The following RHBG variants were observed in gnomAD, a reference collection of about 807,000 sequenced individuals.
RHBG encodes the protein ammonium transporter Rh type B.
Under a neutral mutation model 40.1 loss-of-function variants are expected in RHBG, and 39 were observed. The ratio of observed to expected loss-of-function variants is 0.97; its 90% CI spans 0.75 to 1.27. The LOEUF is 1.27. Ranked by LOEUF, RHBG falls within the 50% of genes most tolerant of loss-of-function variation. RHBG has a pLI of 0.00. For missense variants in RHBG, 549 were observed against 588.1 expected, an observed-to-expected ratio of 0.93 and a Z score of 0.69; for synonymous variants, 237 against 252.5, an observed-to-expected ratio of 0.94 and a Z score of 0.58.
chr1:156,376,406 CAGGCTGG>C (rs1013046889), intron 1 of RHBG, among the ~76,000 whole-genome samples: 5 of 151,780 alleles, frequency 3.3e-5, no homozygotes, highest in African/African-American at 1.2e-4. Flanking sequence ...CTCTGTCACC[CAGGCTGG>C]AGTGCAGAGG....
At chr1:156,372,672 C>T (rs995050217) in intron 1 of RHBG, among the ~76,000 whole-genome samples, 3 of 152,104 alleles carry the variant, frequency 2.0e-5, no homozygotes, top group African/African-American at 4.8e-5. Flanking sequence ...GGGGAGATGG[C>T]CCCCTCAGCT....
At chr1:156,371,766 C>T (rs1426343490) in intron 1 of RHBG, 1 of 152,372 alleles carries the variant, frequency 6.6e-6, no homozygotes, top group Non-Finnish European at 1.5e-5. Context: ...GCCATGAACC[C>T]CTGACTTGCT....
Position 156,384,505 on chromosome 1 carries a change from G to T in RHBG, c.1235-22G>T, listed in dbSNP as rs370666874. On this transcript the variant is annotated intron_variant, in intron 8 of 9. Transcript: ENST00000537040. ...TGGTGGGGGGCAGAGAAGCCTCACA[G>T]ATCCTCCCCTACCACCACCAGGGCT... 4 of 1,611,630 alleles carry T rather than the reference G, an allele frequency of 2.5e-6. No homozygotes were observed. The African/African-American group carries it at 5.3e-5, about 22-fold the overall frequency.
chr1:156,383,684 CTTA>C (rs1397107614), intron 8 of RHBG, among the ~76,000 whole-genome samples: 4 of 150,384 alleles, frequency 2.7e-5, no homozygotes, highest in African/African-American at 4.9e-5. Context: ...CCATGCTGGG[CTTA>C]TTATTATTAT....
rs184521323 is a variant in RHBG at position 156,382,025 on chromosome 1, G to A, written c.979-43G>A. On this transcript the variant is annotated intron_variant, in intron 6 of 9. Transcript: ENST00000537040. ...CGCCTCTCCAACAGGATGAGGTGGTGGGGAGTGGGCACAGGAGACTCATGA... is the reference window on the plus strand; with the variant it reads ...CGCCTCTCCAACAGGATGAGGTGGTAGGGAGTGGGCACAGGAGACTCATGA... 53 of 1,609,870 alleles carry A rather than the reference G, an allele frequency of 3.3e-5. No individual in the cohort carries two copies. The East Asian group carries it at 1.2e-3, about 35-fold the overall frequency.
intron 7 of RHBG, 166 bp from the exon 8 acceptor site, chr1:156,382,582 T>C (rs936164656): frequency 3.0e-5 from 25 of 836,254 alleles, no homozygotes; most frequent in African/African-American, 5.1e-5. Flanking sequence ...GGGCCTGGCT[T>C]GAGCAGTGGC....
In RHBG at chr1:156,377,953, G is replaced by A; in HGVS notation, c.375-37G>A. 2.6e-6 allele frequency: 4 copies of A among 1,513,094 alleles called. No homozygotes were observed. Among genetic ancestry groups the A allele is most frequent in the Non-Finnish European group, 3.5e-6 (4 of 1,129,058 alleles). 93.7% of individuals were successfully genotyped at this position (1,513,094 alleles called of 1,614,324 possible). A position where few individuals can be genotyped will look rare whatever the true frequency, so the allele number is the denominator to read the frequency against. On this transcript the variant is annotated intron_variant, in intron 2 of 9. Transcript: ENST00000537040. The surrounding 1 kb of genome is among the most constrained non-coding windows in gnomAD (Gnocchi z 4.6). Reference sequence around the variant, plus strand: ...CAGGAACCCCGAGGCCAGCCTCTCTGACCCCTCTTGTGCTCCCACTTCTGC... The same window carrying A: ...CAGGAACCCCGAGGCCAGCCTCTCTAACCCCTCTTGTGCTCCCACTTCTGC...
chr1:156,384,334 G>A, intron 8 of RHBG, 193 bp from the exon 9 acceptor site: 1 of 666,176 alleles, frequency 1.5e-6, no homozygotes, highest in Admixed American at 2.3e-5. Context: ...ACTCAGGAAA[G>A]CAAGACTAGT....
In RHBG at chr1:156,384,561, C is replaced by A. The variant is rs764624835; in HGVS notation, c.1269C>A (p.Pro423=). 6.2e-7 allele frequency: 1 copy of A among 1,600,296 alleles called. No homozygotes were observed. Among genetic ancestry groups the A allele is most frequent in the African/African-American group, 1.3e-5 (1 of 74,638 alleles). ...TGAAGCTACCCTTTCTGGACTCCCC[C>A]CCAGACTCCCAGCACTACGAGGACC... The part of the protein sequence containing the change: ...LLLKLPFLDS[P]PDSQHYEDQV... The change falls in exon 9 of 10, where the codon CCC becomes CCA. Residue 423 remains proline (P), a synonymous_variant. Transcript: ENST00000537040.
chr1:156,377,301 G>C lies in RHBG; in HGVS notation c.188G>C (p.Ser63Thr), dbSNP rs766637987. The part of the protein sequence containing the change: ...ADNEFYFRYP[S>T]FQDVHAMVFV... ...CCCCGCCTGTCCCTGCCCGCTGCAG[G>C]CTTCCAGGACGTGCATGCCATGGTC... Residue 63 changes from serine (S) to threonine (T), a missense_variant and splice_region_variant, in exon 2 of 10, where the codon AGC (serine) becomes ACC (threonine). Ser to Thr is a moderately conservative substitution (Grantham distance 58). Coordinates refer to ENST00000537040, the MANE Select transcript of RHBG (RefSeq NM_020407.5). The surrounding 1 kb of genome is among the most constrained non-coding windows in gnomAD (Gnocchi z 4.6). The C allele has an allele frequency of 6.2e-7, 1 of 1,613,048 alleles. No homozygotes were observed. Among genetic ancestry groups the C allele is most frequent in the Non-Finnish European group, 8.5e-7 (1 of 1,179,082 alleles).
Position 156,384,820 on chromosome 1 carries a change from TGGA to T in RHBG, c.1358_1360del (p.Glu453del), listed in dbSNP as rs1285619700. 2 of 1,613,322 alleles carry T rather than the reference TGGA, an allele frequency of 1.2e-6. No homozygotes were observed. Among genetic ancestry groups the T allele is most frequent in the Admixed American group, 1.7e-5 (1 of 59,936 alleles). On this transcript the variant is annotated inframe_deletion, in exon 10 of 10. Transcript: ENST00000537040. Reference sequence around the variant, plus strand: ...GATAAAGCCCAGAGACCTCTGAGGGTGGAGGAGGCAGACACTCAGGCCTAACCC... The same window carrying T: ...GATAAAGCCCAGAGACCTCTGAGGGTGGAGGCAGACACTCAGGCCTAACCC...
chr1:156,375,365 G>A (rs934632170), intron 1 of RHBG, among the ~76,000 whole-genome samples: 1 of 151,214 alleles, frequency 6.6e-6, no homozygotes, highest in Non-Finnish European at 1.5e-5. Context: ...GAGCCACTGC[G>A]CCCAGCCTCA....
At chr1:156,384,657 T>C (rs965466007) in intron 9 of RHBG, 57 bp downstream of exon 9, 62 of 1,545,732 alleles carry the variant, frequency 4.0e-5, no homozygotes, top group African/African-American at 1.4e-5. Context: ...CCTCGCCTCC[T>C]GTGGCCCAAG....
In RHBG at chr1:156,382,116, A is replaced by G. The variant is rs1306284301; in HGVS notation, c.1027A>G (p.Asn343Asp). 2 of 1,613,742 alleles carry G rather than the reference A, an allele frequency of 1.2e-6. No individual in the cohort carries two copies. Among genetic ancestry groups the G allele is most frequent in the African/African-American group, 2.7e-5 (2 of 74,920 alleles). ...AGTCCAAGACACATGTGGAGTCCACAACCTCCATGGGATGCCGGGGGTCCT... is the reference window on the plus strand; with the variant it reads ...AGTCCAAGACACATGTGGAGTCCACGACCTCCATGGGATGCCGGGGGTCCT... The part of the protein sequence containing the change: ...FKVQDTCGVH[N>D]LHGMPGVLGA... The change falls in exon 7 of 10, where the codon AAC becomes GAC. Residue 343 changes from asparagine (N) to aspartate (D), a missense_variant. Physicochemically the swap from Asn to Asp is conservative, Grantham distance 23 (BLOSUM62 1). Coordinates refer to ENST00000537040, the MANE Select transcript of RHBG (RefSeq NM_020407.5).
At position 156,369,248 on chromosome 1, in the gene RHBG, C is replaced by T; in HGVS notation, c.-2C>T. The stretch of plus-strand genomic sequence containing the variant: ...GCGCCAGCCGAGATCGCAGCCCAAC[C>T]CATGGCCGGGTCTCCTAGCCGCGCC... On this transcript the variant is annotated 5_prime_UTR_variant, in exon 1 of 10. Transcript: ENST00000537040. The T allele has an allele frequency of 6.2e-7, 1 of 1,612,418 alleles. No homozygotes were observed.
chr1:156,382,368 C>A, intron 7 of RHBG, 167 bp downstream of exon 7: 1 of 914,788 alleles, frequency 1.1e-6, no homozygotes. Context: ...AACTGCCTTC[C>A]TGGTCCTCTA....
At chr1:156,384,162 T>C (rs944056724) in intron 8 of RHBG, among the ~76,000 whole-genome samples, 4 of 152,188 alleles carry the variant, frequency 2.6e-5, no homozygotes, top group African/African-American at 4.8e-5. Context: ...GCCCCTCCTG[T>C]GTGGGAGGCC....
At chr1:156,373,704 A>G (rs914816873) in intron 1 of RHBG, among the ~76,000 whole-genome samples, 2 of 152,220 alleles carry the variant, frequency 1.3e-5, no homozygotes, top group African/African-American at 2.4e-5. Context: ...AGATGTAAAC[A>G]TTTATACCAC....
chr1:156,378,355 A>C lies in RHBG; in HGVS notation c.629A>C (p.His210Pro). ...LYRPQLEKSK[H>P]RQGSVYHSDL... ...AGGCCCCAGCTGGAGAAGAGCAAGC[A>C]CCGCCAGGGCTCCGTCTACCATTCA... The change falls in exon 4 of 10, where the codon CAC (histidine) becomes CCC (proline). Residue 210 changes from histidine to proline, a missense_variant. His to Pro is a moderately conservative substitution (Grantham distance 77, BLOSUM62 -2). Transcript: ENST00000537040. 6.2e-7 allele frequency: 1 copy of C among 1,612,980 alleles called. No homozygotes were observed. The highest frequency in any genetic ancestry group is 8.5e-7 in the Non-Finnish European group (1 of 1,179,454).
Sources: allele counts gnomAD v4.1 joint callset (sites outside exome capture counted in the v4.1 genomes callset), GRCh38; gene constraint gnomAD v4.1.1; non-coding constraint Gnocchi (gnomAD v3.1); transcripts MANE v1.5; gene names NCBI Gene and HGNC (gene_info 2026-07-23, HGNC 2026-07-21).